The following SUPT3H variants were observed in gnomAD, a reference collection of about 807,000 sequenced individuals.
SUPT3H encodes SPT3 homolog, SAGA and STAGA complex component.
In SUPT3H, 44 loss-of-function variants were observed where a neutral mutation model predicts 44.3. The ratio of observed to expected loss-of-function variants is 0.99; its 90% CI spans 0.78 to 1.28. The LOEUF (loss-of-function observed/expected upper bound fraction) is 1.28, where lower values mean the gene tolerates loss of function less well. Ranked by LOEUF, SUPT3H falls within the 50% of genes most tolerant of loss-of-function variation. The probability of loss-of-function intolerance (pLI) is 0.00; values close to 1 mark genes in which losing one functional copy is unlikely to be tolerated. For synonymous variants in SUPT3H, 124 were observed against 125.6 expected (o/e 0.99, Z 0.09); for missense variants, 380 against 387.1 (o/e 0.98, Z 0.15).
chr6:45,321,633 C>A (rs748085038), intron 2 of SUPT3H, among the ~76,000 whole-genome samples: 5 of 152,116 alleles, frequency 3.3e-5, no homozygotes, highest in Non-Finnish European at 7.4e-5. Flanking sequence ...TGCAGCTCTA[C>A]TTTCAATCTA....
At chr6:45,112,183 A>G (rs538385383) in intron 2 of SUPT3H, among the ~76,000 whole-genome samples, 1 of 152,328 alleles carries the variant, frequency 6.6e-6, no homozygotes, top group East Asian at 1.9e-4. Context: ...AATCTTAAAG[A>G]CTGTCTTCAA....
chr6:45,139,805 C>T (rs936047307), intron 2 of SUPT3H, among the ~76,000 whole-genome samples: 4 of 152,146 alleles, frequency 2.6e-5, no homozygotes, highest in Admixed American at 6.5e-5. Context: ...TTAGGGAAAG[C>T]AGACAGCGTA....
In SUPT3H at chr6:45,121,669, T is replaced by TTTTTTG. The variant is rs895828696; in HGVS notation, c.102-15669_102-15664dup. Among the ~76,000 whole-genome samples the TTTTTTG allele has an allele frequency of 2.6e-5, 4 of 152,102 alleles. No homozygotes were observed. In the South Asian group the frequency reaches 6.2e-4, roughly 24 times the overall value. The stretch of plus-strand genomic sequence containing the variant: ...TTCTACTTATAGATTTTTTTTGGGT[T>TTTTTTG]TTTTTGTTTTTGTTTTTGTTTTTGA... On this transcript the variant is annotated intron_variant, in intron 2 of 10. Transcript: ENST00000371459.
intron 2 of SUPT3H, among the ~76,000 whole-genome samples, chr6:45,278,919 A>C (rs1410818376): frequency 6.6e-6 from 1 of 152,200 alleles, no homozygotes; most frequent in Non-Finnish European, 1.5e-5. Context: ...AAATCATTTA[A>C]TTGATAGAGT....
rs145289577 is a variant in SUPT3H, at chr6:45,203,369, G to A, written c.102-97363C>T. Reference sequence around the variant, plus strand: ...TGTACCTAAATGATCACCAATTCCTGTTAATTCTACCTCTTAAGTATATCC... The same window carrying A: ...TGTACCTAAATGATCACCAATTCCTATTAATTCTACCTCTTAAGTATATCC... On this transcript the variant is annotated intron_variant, in intron 2 of 10. Coordinates refer to ENST00000371459, the MANE Select transcript of SUPT3H (RefSeq NM_003599.4). 2.1e-3 allele frequency among the ~76,000 whole-genome samples: 323 copies of A among 152,246 alleles called. 1 individual carries two copies. The highest frequency in any genetic ancestry group is 7.4e-3 in the African/African-American group (309 of 41,540).
intron 2 of SUPT3H, among the ~76,000 whole-genome samples, chr6:45,244,285 G>A (rs1043048003): frequency 6.6e-6 from 1 of 152,128 alleles, no homozygotes; most frequent in Non-Finnish European, 1.5e-5. Flanking sequence ...CTAAAGCCTA[G>A]ATACGCTCCC....
At chr6:44,836,607 CTTGAG>C (rs991746269) in intron 10 of SUPT3H, among the ~76,000 whole-genome samples, 1 of 152,016 alleles carries the variant, frequency 6.6e-6, no homozygotes, top group Non-Finnish European at 1.5e-5. Context: ...TTTATAAATT[CTTGAG>C]TTATTACCAA....
At chr6:45,099,100 C>A in intron 3 of SUPT3H, 1 of 358,006 alleles carries the variant, frequency 2.8e-6, no homozygotes, top group Non-Finnish European at 5.6e-6. Flanking sequence ...ATTGCCCAGC[C>A]ACCAGCCCCT....
At chr6:44,817,232 G>GA (rs762104666) in intron 11 of SUPT3H, among the ~76,000 whole-genome samples, 1,730 of 128,208 alleles carry the variant, frequency 0.013, 9 homozygotes, top group Middle Eastern at 0.016. Context: ...CTATCACTGG[G>GA]AAAAAAAAAA....
At chr6:44,948,222 C>T (rs1280162144) in intron 9 of SUPT3H, among the ~76,000 whole-genome samples, 1 of 152,168 alleles carries the variant, frequency 6.6e-6, no homozygotes, top group South Asian at 2.1e-4. Flanking sequence ...TTCCTTACAC[C>T]TTATACAAAA....
chr6:45,233,945 T>C (rs1438084843), intron 2 of SUPT3H, among the ~76,000 whole-genome samples: 2 of 152,238 alleles, frequency 1.3e-5, no homozygotes, highest in Non-Finnish European at 2.9e-5. Context: ...ACACCCTTGC[T>C]GTCACTAATA....
rs72869117 is a variant in SUPT3H at position 45,095,869 on chromosome 6, G to A, written c.186+10053C>T. 0.015 allele frequency among the ~76,000 whole-genome samples: 2,218 copies of A among 152,250 alleles called. 24 individuals carry two copies. The highest frequency in any genetic ancestry group is 0.029 in the South Asian group (140 of 4,820). ...TTTAACTCAACCTGGAAAGTGAGGA[G>A]TAAGGAAGCTTAGGATATGAAAAAG... On this transcript the variant is annotated intron_variant, in intron 3 of 10. Coordinates refer to ENST00000371459, the MANE Select transcript of SUPT3H (RefSeq NM_003599.4). The surrounding 1 kb of genome is among the most constrained non-coding windows in gnomAD (Gnocchi z 4.1).
chr6:44,819,699 G>A (rs1322249264), intron 11 of SUPT3H, among the ~76,000 whole-genome samples: 4 of 151,904 alleles, frequency 2.6e-5, no homozygotes, highest in Non-Finnish European at 5.9e-5. Flanking sequence ...AGGCTGAGGT[G>A]GGAGGATTGC....
intron 2 of SUPT3H, among the ~76,000 whole-genome samples, chr6:45,148,532 G>A (rs1806448700): frequency 6.6e-6 from 1 of 152,088 alleles, no homozygotes; most frequent in African/African-American, 2.4e-5. Flanking sequence ...AGTCATACAG[G>A]AGGACACCAA....
At chr6:45,223,470 T>C (rs1204971447) in intron 2 of SUPT3H, among the ~76,000 whole-genome samples, 1 of 152,064 alleles carries the variant, frequency 6.6e-6, no homozygotes. Context: ...TAAATTCGTA[T>C]GTACCTAGAA....
Position 45,195,283 on chromosome 6 carries a change from G to A in SUPT3H, c.102-89277C>T, listed in dbSNP as rs12207006. Among the ~76,000 whole-genome samples, 1,147 of 152,250 alleles carry A rather than the reference G, an allele frequency of 7.5e-3. 12 individuals are homozygous for A. The highest frequency in any genetic ancestry group is 0.014 in the Non-Finnish European group (942 of 68,014). Reference sequence around the variant, plus strand: ...TTACAGAAAAAGAGAGCAATGATCAGAGCTTTCCAACCCATGCCCTTAGGA... The same window carrying A: ...TTACAGAAAAAGAGAGCAATGATCAAAGCTTTCCAACCCATGCCCTTAGGA... On this transcript the variant is annotated intron_variant, in intron 2 of 10. Transcript: ENST00000371459.
intron 3 of SUPT3H, among the ~76,000 whole-genome samples, chr6:45,045,862 C>A (rs986603693): frequency 6.6e-6 from 1 of 152,076 alleles, no homozygotes; most frequent in African/African-American, 2.4e-5. Context: ...TGCCTGTAAG[C>A]TGCCTTTTCA....
intron 2 of SUPT3H, among the ~76,000 whole-genome samples, chr6:45,314,613 C>A (rs1293201696): frequency 2.0e-5 from 3 of 152,076 alleles, no homozygotes; most frequent in African/African-American, 7.2e-5. Flanking sequence ...AGGAAAACTA[C>A]AAAATACTGC....
chr6:45,337,585 G>C (rs1040087703), intron 2 of SUPT3H, among the ~76,000 whole-genome samples: 5 of 151,602 alleles, frequency 3.3e-5, no homozygotes, highest in Non-Finnish European at 7.4e-5. Flanking sequence ...CTAAAACAAC[G>C]GACTACCTGT....
Sources: gnomAD v4.1 joint callset for allele counts (sites outside exome capture counted in the v4.1 genomes callset) on GRCh38, gnomAD v4.1.1 for gene constraint, Gnocchi (gnomAD v3.1) non-coding constraint, MANE v1.5 for transcripts, NCBI Gene and HGNC (gene_info 2026-07-23, HGNC 2026-07-21) for gene names.